Variants in MKLN1 observed in about 807,000 individuals in gnomAD.
The protein encoded by MKLN1 is muskelin.
MKLN1 carries 18 observed loss-of-function variants against 99.0 expected under a neutral mutation model. The ratio of observed to expected loss-of-function variants is 0.18; its 90% CI spans 0.13 to 0.27. MKLN1 has a LOEUF of 0.27. MKLN1 is among the 10% of genes least tolerant of loss of function. The probability of loss-of-function intolerance (pLI) is 1.00; values close to 1 mark genes in which losing one functional copy is unlikely to be tolerated. For missense variants in MKLN1, 621 were observed against 875.9 expected (o/e 0.71, Z 3.67); for synonymous variants, 288 against 293.2 (o/e 0.98, Z 0.18).
At chr7:131,414,733 A>T in intron 8 of MKLN1, 23 bp downstream of exon 8, 2 of 1,544,876 alleles carry the variant, frequency 1.3e-6, no homozygotes, top group Non-Finnish European at 1.8e-6. Flanking sequence ...TGCAGTGGAA[A>T]GCAAAATCTT....
At chr7:131,396,688 A>T (rs1794372408) in intron 4 of MKLN1, among the ~76,000 whole-genome samples, 1 of 152,152 alleles carries the variant, frequency 6.6e-6, no homozygotes, top group South Asian at 2.1e-4. Flanking sequence ...TTATTTTGTT[A>T]ACGTGGTAGA....
chr7:131,182,616 T>C (rs1175123801), intron 2 of MKLN1, among the ~76,000 whole-genome samples: 1 of 152,256 alleles, frequency 6.6e-6, no homozygotes, highest in Non-Finnish European at 1.5e-5. Context: ...ATAGAGAGAT[T>C]GTCTTCTTTG....
intron 3 of MKLN1, among the ~76,000 whole-genome samples, chr7:131,292,225 C>T (rs932639825): frequency 3.9e-5 from 6 of 151,904 alleles, no homozygotes; most frequent in African/African-American, 9.7e-5. Context: ...TTTTGCAAAG[C>T]AAAAGCCATG....
intron 1 of MKLN1, among the ~76,000 whole-genome samples, chr7:131,356,014 C>T (rs1378867582): frequency 6.7e-6 from 1 of 149,808 alleles, no homozygotes; most frequent in Non-Finnish European, 1.5e-5. Flanking sequence ...ACTAAAATAT[C>T]GAGCATGTAA....
chr7:131,295,172 T>C (rs769165300), intron 3 of MKLN1, among the ~76,000 whole-genome samples: 5 of 152,164 alleles, frequency 3.3e-5, no homozygotes, highest in East Asian at 1.9e-4. Context: ...CTCTTATTTT[T>C]ATTTTATTTT....
At chr7:131,338,462 C>G (rs28668067) in intron 1 of MKLN1, among the ~76,000 whole-genome samples, 3,009 of 152,326 alleles carry the variant, frequency 0.02, 81 homozygotes, top group African/African-American at 0.066. Flanking sequence ...CACAGAATGT[C>G]AGATACCCTT....
chr7:131,128,526 G>A (rs776920216), intron 1 of MKLN1, among the ~76,000 whole-genome samples: 2 of 152,062 alleles, frequency 1.3e-5, no homozygotes, highest in Non-Finnish European at 2.9e-5. Context: ...AAAAGAAGAA[G>A]AAAGAAAGGA....
At chr7:131,131,300 C>T (rs1051201554) in intron 1 of MKLN1, among the ~76,000 whole-genome samples, 4 of 151,906 alleles carry the variant, frequency 2.6e-5, no homozygotes, top group African/African-American at 9.7e-5. Flanking sequence ...TCACTTGAGC[C>T]CAGGAGTTCA....
intron 3 of MKLN1, chr7:131,309,800 A>C (rs1241909481): frequency 1.5e-5 from 2 of 135,956 alleles, no homozygotes; most frequent in African/African-American, 5.5e-5. Flanking sequence ...ATGTCAGCTC[A>C]CTGCAAGCTC....
At chr7:131,189,327 T>A (rs928555621) in intron 2 of MKLN1, among the ~76,000 whole-genome samples, 9 of 152,154 alleles carry the variant, frequency 5.9e-5, no homozygotes, top group African/African-American at 1.7e-4. Context: ...TTTTTTAAAA[T>A]TTATTGCTAG....
In MKLN1 at chr7:131,173,968, C is replaced by CTTTTTTT. The variant is rs796102760; in HGVS notation, c.-296-28884_-296-28883insTTTTTTT. 3.2e-3 allele frequency among the ~76,000 whole-genome samples: 376 copies of CTTTTTTT among 118,584 alleles called. 19 individuals are homozygous for CTTTTTTT. The highest frequency in any genetic ancestry group is 3.9e-3 in the African/African-American group (127 of 32,864). The allele number at this position is 118,584 out of a possible 152,430, so 77.8% of individuals were successfully genotyped here. On this transcript the variant is annotated intron_variant, in intron 2 of 7. Coordinates refer to the MKLN1 transcript ENST00000416992. ...TTCTCCAGAGTTTAAAGACCTTTTT[C>CTTTTTTT]TTTTTCTTTTTTTTTTTTTTTTGAG...
intron 2 of MKLN1, among the ~76,000 whole-genome samples, chr7:131,190,810 G>A (rs1199259863): frequency 1.3e-5 from 2 of 152,304 alleles, no homozygotes; most frequent in East Asian, 1.9e-4. Context: ...AGAAATCTGT[G>A]TAGAGACTGG....
intron 10 of MKLN1, among the ~76,000 whole-genome samples, chr7:131,438,981 G>A (rs1429681597): frequency 1.3e-5 from 2 of 152,250 alleles, no homozygotes; most frequent in Admixed American, 1.3e-4. Context: ...TAGGAGAATG[G>A]TAAGGAGAGG....
chr7:131,355,091 T>C (rs939762428), intron 1 of MKLN1, among the ~76,000 whole-genome samples: 1 of 152,146 alleles, frequency 6.6e-6, no homozygotes, highest in African/African-American at 2.4e-5. Flanking sequence ...ACTCTTTTAT[T>C]TCACTGTTTT....
chr7:131,206,765 C>T (rs974352359), intron 3 of MKLN1, among the ~76,000 whole-genome samples: 4 of 151,830 alleles, frequency 2.6e-5, no homozygotes, highest in East Asian at 1.9e-4. Flanking sequence ...TATGTTTTCC[C>T]GGCTGGTCTC....
chr7:131,126,224 A>C (rs1310505042), intron 1 of MKLN1, among the ~76,000 whole-genome samples: 1 of 152,114 alleles, frequency 6.6e-6, no homozygotes, highest in Admixed American at 6.5e-5. Context: ...GAGACCCATG[A>C]GAATAATGCC....
chr7:131,294,207 G>A (rs1005609470), intron 3 of MKLN1, among the ~76,000 whole-genome samples: 1 of 152,190 alleles, frequency 6.6e-6, no homozygotes, highest in African/African-American at 2.4e-5. Context: ...TTGAATCACT[G>A]TTAATTTTCC....
intron 12 of MKLN1, among the ~76,000 whole-genome samples, chr7:131,449,856 G>A (rs1442789215): frequency 1.3e-5 from 2 of 152,142 alleles, no homozygotes; most frequent in East Asian, 3.9e-4. Context: ...TAATGTCTCA[G>A]CTTTTGCTTC....
At chr7:131,434,752 G>A (rs1445559271) in intron 9 of MKLN1, among the ~76,000 whole-genome samples, 1 of 151,996 alleles carries the variant, frequency 6.6e-6, no homozygotes, top group Non-Finnish European at 1.5e-5. Flanking sequence ...TAGGATCTCT[G>A]TATGTTGAAC....
Sources: gnomAD v4.1 joint callset for allele counts (sites outside exome capture counted in the v4.1 genomes callset) on GRCh38, gnomAD v4.1.1 for gene constraint, MANE v1.5 for transcripts, NCBI Gene and HGNC (gene_info 2026-07-23, HGNC 2026-07-21) for gene names.